The following CELF4 variants were observed in gnomAD, a reference collection of about 807,000 sequenced individuals.
CELF4 encodes CUG-BP- and ETR-3-like factor 4.
A neutral mutation model predicts 59.9 loss-of-function variants in CELF4; 18 were observed. The ratio of observed to expected loss-of-function variants is 0.30; its 90% CI spans 0.21 to 0.45. The LOEUF (loss-of-function observed/expected upper bound fraction) is 0.45, where lower values mean the gene tolerates loss of function less well. Ranked by LOEUF, CELF4 falls within the 20% of genes least tolerant of loss-of-function variation. The pLI, the probability that CELF4 is intolerant of heterozygous loss-of-function variation, is 1.00. For synonymous variants in CELF4, 261 were observed against 267.1 expected (o/e 0.98, Z 0.22); for missense variants, 456 against 689.0 (o/e 0.66, Z 3.79).
At chr18:37,460,302 C>T (rs1392574080) in intron 2 of CELF4, among the ~76,000 whole-genome samples, 6 of 152,170 alleles carry the variant, frequency 3.9e-5, no homozygotes, top group African/African-American at 1.4e-4. Flanking sequence ...AAATGGAACA[C>T]GGTCCTCTCT....
At chr18:37,464,174 T>C (rs1276224387) in intron 2 of CELF4, among the ~76,000 whole-genome samples, 3 of 152,206 alleles carry the variant, frequency 2.0e-5, no homozygotes, top group Non-Finnish European at 1.5e-5. Flanking sequence ...CATAAACCTC[T>C]GGAAAGCACG....
intron 2 of CELF4, among the ~76,000 whole-genome samples, chr18:37,393,203 T>G (rs1388084483): frequency 1.3e-5 from 2 of 152,126 alleles, no homozygotes; most frequent in African/African-American, 4.8e-5. Flanking sequence ...CCTGATGCCC[T>G]CCTGCTACCT....
intron 1 of CELF4, among the ~76,000 whole-genome samples, chr18:37,511,167 T>G (rs2099943892): frequency 6.6e-6 from 1 of 152,088 alleles, no homozygotes; most frequent in South Asian, 2.1e-4. Flanking sequence ...TTAAAATCCT[T>G]GCGTGTTGGA....
At position 37,378,515 on chromosome 18, in the gene CELF4, G is replaced by A. The variant is rs1224688134; in HGVS notation, c.370-56634C>T. Among the ~76,000 whole-genome samples, 6 of 152,334 alleles carry A rather than the reference G, an allele frequency of 3.9e-5. No homozygotes were observed. The South Asian group carries it at 1.2e-3, about 32-fold the overall frequency. ...GTGCTGTAAGATGGGCGGCATTATT[G>A]TTATTAACAACCGCATCCTTCTTAG... On this transcript the variant is annotated intron_variant, in intron 2 of 12. Coordinates refer to ENST00000420428, the MANE Select transcript of CELF4 (RefSeq NM_020180.4).
chr18:37,413,254 G>A (rs1402200667), intron 2 of CELF4, among the ~76,000 whole-genome samples: 3 of 152,206 alleles, frequency 2.0e-5, no homozygotes, highest in African/African-American at 4.8e-5. Flanking sequence ...GTGTGTTCAC[G>A]TGTGGGTGGA....
intron 2 of CELF4, among the ~76,000 whole-genome samples, chr18:37,349,827 G>A (rs1473056460): frequency 6.6e-6 from 1 of 152,194 alleles, no homozygotes; most frequent in African/African-American, 2.4e-5. Flanking sequence ...AGGACAGCAG[G>A]TGCAAAGGCT....
chr18:37,329,220 G>A (rs1171942506), intron 2 of CELF4, among the ~76,000 whole-genome samples: 2 of 152,198 alleles, frequency 1.3e-5, no homozygotes, highest in Non-Finnish European at 1.5e-5. Flanking sequence ...AAGCCTACAA[G>A]AGAGGTCCCC....
chr18:37,438,420 G>A (rs1278217495), intron 2 of CELF4, among the ~76,000 whole-genome samples: 1 of 152,170 alleles, frequency 6.6e-6, no homozygotes, highest in East Asian at 1.9e-4. Flanking sequence ...TGCTGACAGA[G>A]TAGATAGAGT....
At chr18:37,288,578 C>G (rs936593792) in intron 3 of CELF4, among the ~76,000 whole-genome samples, 5 of 152,204 alleles carry the variant, frequency 3.3e-5, no homozygotes, top group Non-Finnish European at 5.9e-5. Flanking sequence ...AGACTTTGAA[C>G]CAGGTGGCCC....
In CELF4 at chr18:37,500,222, G is replaced by A. The variant is rs114238141; in HGVS notation, c.287-14615C>T. Reference sequence around the variant, plus strand: ...TGCCCCTGCCCCTGCCTGGGTGGACGGCAGGCGGCAGCCATGGCTGGGGAG... The same window carrying A: ...TGCCCCTGCCCCTGCCTGGGTGGACAGCAGGCGGCAGCCATGGCTGGGGAG... On this transcript the variant is annotated intron_variant, in intron 1 of 12. Coordinates refer to ENST00000420428, the MANE Select transcript of CELF4 (RefSeq NM_020180.4). Among the ~76,000 whole-genome samples, 805 of 152,296 alleles carry A rather than the reference G, an allele frequency of 5.3e-3. 5 individuals carry two copies. Among genetic ancestry groups the A allele is most frequent in the African/African-American group, 0.018 (746 of 41,584 alleles).
chr18:37,253,835 G>A lies in CELF4; in HGVS notation c.1437C>T (p.Pro479=). The A allele has an allele frequency of 6.2e-7, 1 of 1,606,914 alleles. No individual in the cohort carries two copies. Among genetic ancestry groups the A allele is most frequent in the Non-Finnish European group, 8.5e-7 (1 of 1,177,036 alleles). The change falls in exon 12 of 13, where the codon CCC becomes CCT. Residue 479 remains proline, a synonymous_variant. Transcript: ENST00000420428. This position sits in a 1 kb window ranked among gnomAD's most constrained non-coding sequence, Gnocchi z 4.5. The part of the protein sequence containing the change: ...MKRLKVQLKR[P]KDANRPY Reference sequence around the variant, plus strand: ...CTCAGTACGGGCGATTGGCGTCTTTGGGCCGCTTCAGCTGCACCTTGAGCC... The same window carrying A: ...CTCAGTACGGGCGATTGGCGTCTTTAGGCCGCTTCAGCTGCACCTTGAGCC...
chr18:37,488,714 C>G (rs1348341913), intron 1 of CELF4, among the ~76,000 whole-genome samples: 1 of 152,212 alleles, frequency 6.6e-6, no homozygotes, highest in African/African-American at 2.4e-5. Flanking sequence ...CCTGACTCCT[C>G]CACCATCCAG....
At chr18:37,401,462 G>A (rs1029542724) in intron 2 of CELF4, among the ~76,000 whole-genome samples, 2 of 152,126 alleles carry the variant, frequency 1.3e-5, no homozygotes, top group African/African-American at 2.4e-5. Context: ...AGTGTGATCC[G>A]GCCATCTTAC....
chr18:37,345,845 C>T (rs2098236518), intron 2 of CELF4, among the ~76,000 whole-genome samples: 1 of 152,110 alleles, frequency 6.6e-6, no homozygotes, highest in Non-Finnish European at 1.5e-5. Flanking sequence ...TCCTGCATAC[C>T]TTAGCACTCC....
intron 2 of CELF4, among the ~76,000 whole-genome samples, chr18:37,336,674 A>G (rs1238795985): frequency 1.5e-3 from 1 of 688 alleles, no homozygotes; most frequent in African/African-American, 5.0e-3. Context: ...GCCAGCAGGG[A>G]TGGGATGTGG....
intron 2 of CELF4, among the ~76,000 whole-genome samples, chr18:37,483,512 C>G (rs375308443): frequency 6.6e-6 from 1 of 152,188 alleles, no homozygotes; most frequent in East Asian, 1.9e-4. Context: ...TATCTTCCCC[C>G]CTCCCCGTCC....
chr18:37,295,849 G>A (rs2095609791), intron 3 of CELF4, among the ~76,000 whole-genome samples: 1 of 152,190 alleles, frequency 6.6e-6, no homozygotes, highest in Admixed American at 6.5e-5. Flanking sequence ...CTGCACTGGG[G>A]GTCAGGGCCT....
intron 2 of CELF4, among the ~76,000 whole-genome samples, chr18:37,322,496 T>C (rs562783534): frequency 6.6e-6 from 1 of 152,324 alleles, no homozygotes; most frequent in South Asian, 2.1e-4. Context: ...TGGGCACAGC[T>C]ACTTGTCCCC....
chr18:37,321,727 A>C, intron 3 of CELF4, 76 bp downstream of exon 3: 2 of 1,094,182 alleles, frequency 1.8e-6, no homozygotes, highest in Non-Finnish European at 2.7e-6. Context: ...GAGTCGCTGC[A>C]TCGCCTTGCT....
Sources: gnomAD v4.1 joint callset for allele counts (sites outside exome capture counted in the v4.1 genomes callset) on GRCh38, gnomAD v4.1.1 for gene constraint, Gnocchi (gnomAD v3.1) non-coding constraint, MANE v1.5 for transcripts, NCBI Gene and HGNC (gene_info 2026-07-23, HGNC 2026-07-21) for gene names.